ATP13A2: variants seen among roughly 807,000 people sequenced by gnomAD.
ATP13A2 encodes the protein polyamine-transporting ATPase 13A2.
Under a neutral mutation model 138.3 loss-of-function variants are expected in ATP13A2, and 83 were observed. The ratio of observed to expected loss-of-function variants is 0.60; its 90% CI spans 0.50 to 0.72. The LOEUF (loss-of-function observed/expected upper bound fraction) is 0.72, where lower values mean the gene tolerates loss of function less well. Ranked by LOEUF, ATP13A2 falls within the 30% of genes least tolerant of loss-of-function variation. ATP13A2 has a pLI of 0.00. For missense variants in ATP13A2, 1,402 were observed against 1,606.4 expected, an observed-to-expected ratio of 0.87 and a Z score of 2.17; for synonymous variants, 663 against 699.0, an observed-to-expected ratio of 0.95 and a Z score of 0.81.
At chr1:17,001,538 C>T (rs557355460) in intron 8 of ATP13A2, among the ~76,000 whole-genome samples, 11 of 152,320 alleles carry the variant, frequency 7.2e-5, no homozygotes, top group African/African-American at 2.6e-4. Flanking sequence ...TGCCCCCGAT[C>T]AGAGGGCTGG....
chr1:17,009,470 C>A (rs1209953903), intron 1 of ATP13A2, among the ~76,000 whole-genome samples: 1 of 148,596 alleles, frequency 6.7e-6, no homozygotes. Flanking sequence ...GATCCTAGCT[C>A]ACTGGAGCCT....
Position 16,992,373 on chromosome 1 carries a change from G to C in ATP13A2, c.1875C>G (p.Leu625=), listed in dbSNP as rs2076965175. The C allele has an allele frequency of 1.2e-6, 2 of 1,613,614 alleles. No homozygotes were observed. The highest frequency in any genetic ancestry group is 4.5e-5 in the East Asian group (2 of 44,888). Residue 625 remains leucine (L), a synonymous_variant, in exon 18 of 29, where the codon CTC becomes CTG. Transcript: ENST00000326735. ...GAGCCGAAGAGAAGGGGAAGCGGTGGAGGACGCTGACTGGCACCGGGGGCT... is the reference window on the plus strand; with the variant it reads ...GAGCCGAAGAGAAGGGGAAGCGGTGCAGGACGCTGACTGGCACCGGGGGCT... ...MEEPPVPVSV[L]HRFPFSSALQ...
chr1:16,989,736 G>C lies in ATP13A2; in HGVS notation c.2564C>G (p.Ala855Gly), dbSNP rs774420241. 1 of 1,613,964 alleles carries C rather than the reference G, an allele frequency of 6.2e-7. No homozygotes were observed. The change falls in exon 23 of 29, where the codon GCC becomes GGC. Residue 855 changes from alanine to glycine, a missense_variant. Coordinates refer to ENST00000326735, the MANE Select transcript of ATP13A2 (RefSeq NM_022089.4). Reference protein sequence around the residue: ...LVQGTVFARMAPEQKTELVCE... With the variant: ...LVQGTVFARMGPEQKTELVCE... ...CACCAGCTCTGTCTTCTGCTCAGGG[G>C]CCATGCGGGCAAAGACAGTGCCCTG... is the stretch of plus-strand genomic sequence containing the variant.
At chr1:17,005,591 T>A (rs760836054) in intron 2 of ATP13A2, 35 bp from the exon 3 acceptor site, 1 of 1,613,770 alleles carries the variant, frequency 6.2e-7, no homozygotes, top group East Asian at 2.2e-5. Flanking sequence ...CAGGTCGGGG[T>A]GGGAACGGGG....
Position 17,011,788 on chromosome 1 carries a change from G to A in ATP13A2, c.-50C>T. 1 of 1,345,642 alleles carries A rather than the reference G, an allele frequency of 7.4e-7. No homozygotes were observed. Among genetic ancestry groups the A allele is most frequent in the Non-Finnish European group, 9.5e-7 (1 of 1,047,286 alleles). The allele number at this position is 1,345,642 out of a possible 1,614,324, so 83.4% of individuals were successfully genotyped here. On this transcript the variant is annotated 5_prime_UTR_variant, in exon 1 of 29. Coordinates refer to ENST00000326735, the MANE Select transcript of ATP13A2 (RefSeq NM_022089.4). The surrounding 1 kb of genome is among the most constrained non-coding windows in gnomAD (Gnocchi z 7.3). The stretch of plus-strand genomic sequence containing the variant: ...GCCCCGGCGCTGCGGCCCTCGGCCT[G>A]GGCCCCGGCGTGCGCAAGGCCCTGG...
chr1:17,002,164 G>T, intron 7 of ATP13A2, 61 bp from the exon 8 acceptor site: 1 of 1,588,798 alleles, frequency 6.3e-7, no homozygotes, highest in African/African-American at 1.3e-5. Context: ...CCCTCCCGGG[G>T]TGAAGGAGCT....
At chr1:16,990,858 A>C (rs1213253877) in intron 20 of ATP13A2, among the ~76,000 whole-genome samples, 1 of 151,886 alleles carries the variant, frequency 6.6e-6, no homozygotes, top group Non-Finnish European at 1.5e-5. Flanking sequence ...TCTGCTGCCA[A>C]GTGCCCATGA....
At chr1:16,999,858 G>GTCAC (rs1382523213) in intron 11 of ATP13A2, among the ~76,000 whole-genome samples, 153 bp downstream of exon 11, 2 of 152,144 alleles carry the variant, frequency 1.3e-5, no homozygotes, top group African/African-American at 4.8e-5. Flanking sequence ...CTGAGATCAT[G>GTCAC]TCACTGCACT....
chr1:17,002,296 C>T lies in ATP13A2; in HGVS notation c.635G>A (p.Arg212Lys). The stretch of plus-strand genomic sequence containing the variant: ...CACCCCGGTCCAGGGCAGCACTGAC[C>T]TCACCATTTGGTCCTGGAGGCTGAG... ...HGLSLQDQMV[R>K]KAIYGPNVIS... is the part of the protein sequence containing the mutation. Residue 212 changes from arginine (R) to lysine (K), a missense_variant and splice_region_variant, in exon 7 of 29, where the codon AGG (arginine) becomes AAG (lysine). Arg to Lys is a conservative substitution (Grantham distance 26, BLOSUM62 2). Coordinates refer to ENST00000326735, the MANE Select transcript of ATP13A2 (RefSeq NM_022089.4). The T allele has an allele frequency of 2.5e-6, 4 of 1,613,438 alleles. No homozygotes were observed. The highest frequency in any genetic ancestry group is 2.5e-6 in the Non-Finnish European group (3 of 1,179,864).
chr1:17,006,438 A>G (rs1394547759), intron 1 of ATP13A2, among the ~76,000 whole-genome samples: 1 of 151,862 alleles, frequency 6.6e-6, no homozygotes, highest in Non-Finnish European at 1.5e-5. Context: ...TTTAGTAGAG[A>G]TGGGGTTTCA....
At chr1:17,007,814 G>A (rs2077619197) in intron 1 of ATP13A2, among the ~76,000 whole-genome samples, 1 of 152,036 alleles carries the variant, frequency 6.6e-6, no homozygotes. Context: ...GCCTCCCAAA[G>A]TGCTGGGATT....
chr1:17,005,773 T>G lies in ATP13A2; in HGVS notation c.16A>C (p.Ser6Arg). The change falls in exon 2 of 29, where the codon AGC becomes CGC. Residue 6 changes from serine (S) to arginine (R), a missense_variant. By Grantham distance (110) the Ser-to-Arg change is moderately radical. Transcript: ENST00000326735. Reference sequence around the variant, plus strand: ...GTGGGCGTGCTGCCCACGAGAGGGCTGCTGTCTGTGGACAGAAAAGAGAAA... The same window carrying G: ...GTGGGCGTGCTGCCCACGAGAGGGCGGCTGTCTGTGGACAGAAAAGAGAAA... MSADS[S>R]PLVGSTPTGY... 2 of 1,609,998 alleles carry G rather than the reference T, an allele frequency of 1.2e-6. No homozygotes were observed. Among genetic ancestry groups the G allele is most frequent in the Non-Finnish European group, 1.7e-6 (2 of 1,178,120 alleles).
chr1:16,999,986 T>A (rs776801270), intron 11 of ATP13A2, 25 bp downstream of exon 11: 1 of 1,584,860 alleles, frequency 6.3e-7, no homozygotes, highest in Non-Finnish European at 8.6e-7. Flanking sequence ...GGAAGGAAGC[T>A]GCAGGCCAGG....
At chr1:17,008,540 C>T (rs930712143) in intron 1 of ATP13A2, among the ~76,000 whole-genome samples, 2 of 152,094 alleles carry the variant, frequency 1.3e-5, no homozygotes, top group East Asian at 1.9e-4. Context: ...GTCAGGGGGG[C>T]GTGGCTTCTG....
At chr1:16,987,357 G>A (rs747077132) in intron 25 of ATP13A2, 88 bp from the exon 26 acceptor site, 37 of 1,254,780 alleles carry the variant, frequency 2.9e-5, no homozygotes, top group Non-Finnish European at 3.5e-5. Flanking sequence ...CCCCTGCCCC[G>A]AAGGAATCTG....
intron 1 of ATP13A2, among the ~76,000 whole-genome samples, chr1:17,008,921 G>A (rs375659781): frequency 6.9e-6 from 1 of 145,488 alleles, no homozygotes; most frequent in Non-Finnish European, 1.5e-5. Context: ...CTGAGATCAC[G>A]CCACTGCACT....
chr1:17,010,681 A>G (rs1294775963), intron 1 of ATP13A2, among the ~76,000 whole-genome samples: 1 of 152,212 alleles, frequency 6.6e-6, no homozygotes, highest in Admixed American at 6.5e-5. Context: ...AGAGGAGTAG[A>G]TTGACAAGCA....
In ATP13A2 at chr1:16,994,573, G is replaced by A. The variant is rs924080621; in HGVS notation, c.1543-738C>T. 8.5e-5 allele frequency among the ~76,000 whole-genome samples: 13 copies of A among 152,182 alleles called. No homozygotes were observed. In the East Asian group the frequency reaches 1.4e-3, roughly 16 times the overall value. ...AATGAGCGCATGAGTCAGTGCCTGC[G>A]TTCCCCATCCTAGACTCTAACTGCC... On this transcript the variant is annotated intron_variant, in intron 15 of 28. Transcript: ENST00000326735.
Position 16,986,392 on chromosome 1 carries a change from G to A in ATP13A2, c.3406-34C>T, listed in dbSNP as rs568476959. The A allele has an allele frequency of 2.4e-5, 38 of 1,593,990 alleles. No individual in the cohort carries two copies. The highest frequency in any genetic ancestry group is 6.7e-5 in the South Asian group (6 of 89,354). The stretch of plus-strand genomic sequence containing the variant: ...GGCAGGGAGGGTGTCAGGGGCAGCC[G>A]GGGCTGAGCTGGGGTCAATGCACCC... On this transcript the variant is annotated intron_variant, in intron 28 of 28. Transcript: ENST00000326735. This position sits in a 1 kb window ranked among gnomAD's most constrained non-coding sequence, Gnocchi z 6.9.
Sources: gnomAD v4.1 joint callset for allele counts (sites outside exome capture counted in the v4.1 genomes callset) on GRCh38, gnomAD v4.1.1 for gene constraint, Gnocchi (gnomAD v3.1) non-coding constraint, MANE v1.5 for transcripts, NCBI Gene and HGNC (gene_info 2026-07-23, HGNC 2026-07-21) for gene names.